STK38L: variants seen among roughly 807,000 people sequenced by gnomAD.
STK38L encodes the protein serine/threonine kinase 38 like.
Under a neutral mutation model 59.7 loss-of-function variants are expected in STK38L, and 28 were observed. The observed-to-expected ratio is 0.47, with a 90% CI of 0.35 to 0.64. STK38L has a LOEUF of 0.64. Among genes scored for constraint, STK38L ranks in the 30% least tolerant of loss-of-function variants. The pLI is 0.01. For synonymous variants in STK38L, 162 were observed against 176.8 expected (o/e 0.92, Z 0.66); for missense variants, 314 against 555.8 (o/e 0.56, Z 4.37).
intron 3 of STK38L, among the ~76,000 whole-genome samples, chr12:27,303,371 T>C (rs185598616): frequency 7.9e-4 from 120 of 152,216 alleles, no homozygotes; most frequent in African/African-American, 2.7e-3. Flanking sequence ...GCAGCAGCTT[T>C]AGGCCTCACT....
chr12:27,310,352 A>G (rs574323765), intron 5 of STK38L, among the ~76,000 whole-genome samples: 67 of 152,286 alleles, frequency 4.4e-4, no homozygotes, highest in Non-Finnish European at 7.2e-4. Context: ...TAATGATGGC[A>G]ATAAGGACGT....
intron 1 of STK38L, among the ~76,000 whole-genome samples, chr12:27,292,278 G>A (rs903893524): frequency 2.6e-5 from 4 of 152,180 alleles, no homozygotes; most frequent in Admixed American, 6.5e-5. Flanking sequence ...TCACTTCTTA[G>A]TTTTGTATAA....
chr12:27,262,187 C>T (rs1943215582), intron 1 of STK38L, among the ~76,000 whole-genome samples: 1 of 148,368 alleles, frequency 6.7e-6, no homozygotes, highest in South Asian at 2.1e-4. Context: ...TCACAATAGT[C>T]CCTTCTCTTA....
rs539539993 is a variant in STK38L at position 27,248,248 on chromosome 12, G to A, written c.-12+3916G>A. Reference sequence around the variant, plus strand: ...TTCATGAATAGCTATGCTTATAATGGCAGAAACAGGGTGAATAGAGTGTTG... The same window carrying A: ...TTCATGAATAGCTATGCTTATAATGACAGAAACAGGGTGAATAGAGTGTTG... On this transcript the variant is annotated intron_variant, in intron 1 of 13. Coordinates refer to ENST00000389032, the MANE Select transcript of STK38L (RefSeq NM_015000.4). Among the ~76,000 whole-genome samples the A allele has an allele frequency of 9.7e-4, 147 of 152,294 alleles. 1 individual carries two copies. Among genetic ancestry groups the A allele is most frequent in the African/African-American group, 3.3e-3 (136 of 41,554 alleles).
intron 10 of STK38L, 44 bp from the exon 11 acceptor site, chr12:27,317,852 G>A (rs1944624539): frequency 5.0e-6 from 8 of 1,609,014 alleles, no homozygotes; most frequent in Non-Finnish European, 5.9e-6. Context: ...AAACTTCACT[G>A]CTCACAAAGC....
chr12:27,310,578 A>G (rs1184962361), intron 5 of STK38L, among the ~76,000 whole-genome samples: 1 of 152,126 alleles, frequency 6.6e-6, no homozygotes, highest in Non-Finnish European at 1.5e-5. Context: ...TAAATAAATA[A>G]AATATTTCAA....
intron 1 of STK38L, among the ~76,000 whole-genome samples, chr12:27,270,497 C>T (rs1304264103): frequency 6.6e-6 from 1 of 152,164 alleles, no homozygotes; most frequent in Non-Finnish European, 1.5e-5. Context: ...CTTGCCTCAG[C>T]CTCCCGAGTA....
intron 1 of STK38L, among the ~76,000 whole-genome samples, chr12:27,256,854 T>G (rs1943101649): frequency 6.6e-6 from 1 of 152,242 alleles, no homozygotes; most frequent in Non-Finnish European, 1.5e-5. Context: ...ACCTCTTGCC[T>G]TCCTGGTCAC....
rs1402332740 is a variant in STK38L, at chr12:27,322,131, A to T, written c.1176-12A>T. 1 of 1,608,694 alleles carries T rather than the reference A, an allele frequency of 6.2e-7. No individual in the cohort carries two copies. The highest frequency in any genetic ancestry group is 8.5e-7 in the Non-Finnish European group (1 of 1,178,372). ...AGAAAAGTTACCATGCATACTTAAT[A>T]CCTTTTTATAGGGAAAGGCCAGCAG... On this transcript the variant is annotated splice_polypyrimidine_tract_variant and intron_variant, in intron 12 of 13. Transcript: ENST00000389032.
At chr12:27,283,653 T>C (rs765974795) in intron 1 of STK38L, among the ~76,000 whole-genome samples, 18 of 152,250 alleles carry the variant, frequency 1.2e-4, no homozygotes, top group Non-Finnish European at 1.9e-4. Flanking sequence ...TGTATACTTA[T>C]GGATATTTTC....
At position 27,308,704 on chromosome 12, in the gene STK38L, A is replaced by G. The variant is rs1476853164; in HGVS notation, c.309+243A>G. Among the ~76,000 whole-genome samples the G allele has an allele frequency of 6.6e-6, 1 of 151,628 alleles. No individual in the cohort carries two copies. Among genetic ancestry groups the G allele is most frequent in the Non-Finnish European group, 1.5e-5 (1 of 67,864 alleles). ...CGTGGTGGTGGGCACCTGTAATCCCAGCTACTTGGGAGGCTGAGGCAGGAG... is the reference window on the plus strand; with the variant it reads ...CGTGGTGGTGGGCACCTGTAATCCCGGCTACTTGGGAGGCTGAGGCAGGAG... On this transcript the variant is annotated intron_variant, in intron 4 of 13. Transcript: ENST00000389032. The surrounding 1 kb of genome is among the most constrained non-coding windows in gnomAD (Gnocchi z 4.5).
At chr12:27,255,831 T>A (rs914104631) in intron 1 of STK38L, among the ~76,000 whole-genome samples, 1 of 152,140 alleles carries the variant, frequency 6.6e-6, no homozygotes, top group Non-Finnish European at 1.5e-5. Context: ...CCCGTCCTGA[T>A]CTTAAGACCC....
intron 1 of STK38L, among the ~76,000 whole-genome samples, chr12:27,260,010 CT>C (rs1383704091): frequency 6.6e-6 from 1 of 152,150 alleles, no homozygotes; most frequent in Non-Finnish European, 1.5e-5. Context: ...AAGTTTTAAT[CT>C]TTTTGTTGTG....
chr12:27,305,142 G>A (rs1399269537), intron 3 of STK38L, among the ~76,000 whole-genome samples: 1 of 152,180 alleles, frequency 6.6e-6, no homozygotes, highest in African/African-American at 2.4e-5. Context: ...CCAAGGCCCT[G>A]TTTTTCCAGA....
intron 1 of STK38L, among the ~76,000 whole-genome samples, chr12:27,253,542 C>T (rs1943022075): frequency 6.6e-6 from 1 of 152,150 alleles, no homozygotes; most frequent in Non-Finnish European, 1.5e-5. Flanking sequence ...ATGGTGCTCC[C>T]TCAGAAGCTG....
chr12:27,279,427 T>A (rs1005627897), intron 1 of STK38L, among the ~76,000 whole-genome samples: 4 of 152,056 alleles, frequency 2.6e-5, no homozygotes, highest in Non-Finnish European at 4.4e-5. Context: ...CCCTTAGTTT[T>A]AAAAAAATGT....
intron 1 of STK38L, among the ~76,000 whole-genome samples, chr12:27,285,467 G>C (rs966337595): frequency 1.3e-5 from 2 of 152,104 alleles, no homozygotes; most frequent in African/African-American, 4.8e-5. Context: ...TGGTCTGTCT[G>C]CCTCACTCTC....
intron 11 of STK38L, among the ~76,000 whole-genome samples, chr12:27,318,682 T>C (rs1183201273): frequency 6.6e-6 from 1 of 152,144 alleles, no homozygotes; most frequent in Non-Finnish European, 1.5e-5. Flanking sequence ...AATACCTCTA[T>C]ATGTAAATTT....
intron 1 of STK38L, among the ~76,000 whole-genome samples, chr12:27,248,628 GTACTCATAGT>G (rs1481778385): frequency 1.3e-5 from 2 of 150,416 alleles, no homozygotes; most frequent in Non-Finnish European, 3.0e-5. Flanking sequence ...GCAGTTGACC[GTACTCATAGT>G]TTAAGTACAG....
Sources: allele counts gnomAD v4.1 joint callset (sites outside exome capture counted in the v4.1 genomes callset), GRCh38; gene constraint gnomAD v4.1.1; non-coding constraint Gnocchi (gnomAD v3.1); transcripts MANE v1.5; gene names NCBI Gene and HGNC (gene_info 2026-07-23, HGNC 2026-07-21).